KCND2: variants seen among roughly 807,000 people sequenced by gnomAD.
KCND2 encodes the protein A-type voltage-gated potassium channel KCND2.
A neutral mutation model predicts 54.4 loss-of-function variants in KCND2; 16 were observed. The ratio of observed to expected loss-of-function variants is 0.29; its 90% confidence interval spans 0.20 to 0.45. The LOEUF (loss-of-function observed/expected upper bound fraction) is 0.45. Among genes scored for constraint, KCND2 ranks in the 20% least tolerant of loss-of-function variants. The probability of loss-of-function intolerance (pLI) is 1.00; values close to 1 mark genes in which losing one functional copy is unlikely to be tolerated. For synonymous variants in KCND2, 317 were observed against 310.7 expected, an observed-to-expected ratio of 1.02 and a Z score of -0.21; for missense variants, 486 against 824.2, an observed-to-expected ratio of 0.59 and a Z score of 5.02.
At chr7:120,743,960 C>G (rs1418062609) in intron 4 of KCND2, among the ~76,000 whole-genome samples, 2 of 152,096 alleles carry the variant, frequency 1.3e-5, no homozygotes, top group Non-Finnish European at 2.9e-5. Context: ...TTAAATGATA[C>G]ATTAATAATA....
At chr7:120,326,633 G>A (rs1412610335) in intron 1 of KCND2, among the ~76,000 whole-genome samples, 1 of 152,036 alleles carries the variant, frequency 6.6e-6, no homozygotes, top group Non-Finnish European at 1.5e-5. Flanking sequence ...GATTATATGA[G>A]AATATGGATA....
At chr7:120,443,581 T>A (rs1330904629) in intron 1 of KCND2, among the ~76,000 whole-genome samples, 3 of 152,038 alleles carry the variant, frequency 2.0e-5, no homozygotes, top group Admixed American at 2.0e-4. Flanking sequence ...ATTCATCTTC[T>A]TGAATCATAT....
chr7:120,675,511 C>T (rs1792049205), intron 1 of KCND2, among the ~76,000 whole-genome samples: 1 of 152,060 alleles, frequency 6.6e-6, no homozygotes, highest in South Asian at 2.1e-4. Context: ...GCTGGGATTA[C>T]CAGCGTGAGC....
chr7:120,586,947 A>C (rs1792608193), intron 1 of KCND2, among the ~76,000 whole-genome samples: 1 of 152,166 alleles, frequency 6.6e-6, no homozygotes, highest in East Asian at 1.9e-4. Context: ...AGATTTCTTT[A>C]ATTTTTGGAG....
At chr7:120,579,642 A>AAAT (rs1397100957) in intron 1 of KCND2, among the ~76,000 whole-genome samples, 2 of 127,800 alleles carry the variant, frequency 1.6e-5, no homozygotes, top group Admixed American at 7.6e-5. Flanking sequence ...ATAAATAAAT[A>AAAT]AATAAAATAA....
At chr7:120,705,308 C>A (rs909748486) in intron 1 of KCND2, among the ~76,000 whole-genome samples, 2 of 152,066 alleles carry the variant, frequency 1.3e-5, no homozygotes, top group Admixed American at 6.6e-5. Flanking sequence ...TCCTTGCATT[C>A]AAAAATCATG....
At chr7:120,602,267 A>T (rs1792823141) in intron 1 of KCND2, among the ~76,000 whole-genome samples, 1 of 152,230 alleles carries the variant, frequency 6.6e-6, no homozygotes, top group Non-Finnish European at 1.5e-5. Flanking sequence ...AGTGATCATC[A>T]GAGTGTGGCG....
chr7:120,506,668 T>C (rs1260332703), intron 1 of KCND2, among the ~76,000 whole-genome samples: 1 of 151,890 alleles, frequency 6.6e-6, no homozygotes, highest in Non-Finnish European at 1.5e-5. Context: ...CAAATGGTTG[T>C]AGTAAAGAAA....
At chr7:120,382,866 A>G (rs1418136629) in intron 1 of KCND2, among the ~76,000 whole-genome samples, 2 of 151,838 alleles carry the variant, frequency 1.3e-5, no homozygotes, top group African/African-American at 4.8e-5. Flanking sequence ...TTTGATATGT[A>G]TTATGTTACT....
At chr7:120,717,186 CCTT>C (rs1792613596) in intron 1 of KCND2, among the ~76,000 whole-genome samples, 1 of 152,038 alleles carries the variant, frequency 6.6e-6, no homozygotes, top group Non-Finnish European at 1.5e-5. Flanking sequence ...CTACTATTGA[CCTT>C]CTAGCAATCA....
chr7:120,638,884 G>A (rs185707035), intron 1 of KCND2, among the ~76,000 whole-genome samples: 1 of 152,194 alleles, frequency 6.6e-6, no homozygotes, highest in Admixed American at 6.5e-5. Context: ...GGGGACTTGT[G>A]GGATATATGT....
intron 1 of KCND2, among the ~76,000 whole-genome samples, chr7:120,356,556 A>C (rs1800508863): frequency 6.6e-6 from 1 of 152,156 alleles, no homozygotes; most frequent in Non-Finnish European, 1.5e-5. Flanking sequence ...AAACGTGATT[A>C]ATCAGGGTAA....
Position 120,620,065 on chromosome 7 carries a change from T to G in KCND2, c.1116-112838T>G, listed in dbSNP as rs1275362721. Among the ~76,000 whole-genome samples, 4 of 152,316 alleles carry G rather than the reference T, an allele frequency of 2.6e-5. No individual in the cohort carries two copies. The East Asian group carries it at 7.7e-4, about 29-fold the overall frequency. On this transcript the variant is annotated intron_variant, in intron 1 of 5. Transcript: ENST00000331113. ...CTGTCCAATTACATGAAATAATTGT[T>G]TATAATACCTCAAATGATGAGATGC...
chr7:120,592,765 G>C (rs943932935), intron 1 of KCND2, among the ~76,000 whole-genome samples: 7 of 152,050 alleles, frequency 4.6e-5, no homozygotes, highest in Admixed American at 1.3e-4. Context: ...GTAAATATCA[G>C]GGTTTCTTGG....
At chr7:120,629,357 A>G (rs541414213) in intron 1 of KCND2, among the ~76,000 whole-genome samples, 8 of 152,256 alleles carry the variant, frequency 5.3e-5, no homozygotes, top group South Asian at 2.1e-4. Flanking sequence ...GTGGTGGCTG[A>G]CGCCTGTAGT....
chr7:120,741,066 A>G (rs1458230017), intron 2 of KCND2, among the ~76,000 whole-genome samples: 2 of 151,632 alleles, frequency 1.3e-5, no homozygotes, highest in Admixed American at 6.6e-5. Context: ...AAAAAAAGAA[A>G]GGAAGGAAGG....
chr7:120,390,287 A>G (rs1801054069), intron 1 of KCND2, among the ~76,000 whole-genome samples: 2 of 151,928 alleles, frequency 1.3e-5, no homozygotes, highest in Admixed American at 6.6e-5. Flanking sequence ...TTAAGACACA[A>G]TCAGAATTTC....
intron 1 of KCND2, among the ~76,000 whole-genome samples, chr7:120,621,651 TA>T (rs1462126510): frequency 6.6e-6 from 1 of 152,204 alleles, no homozygotes; most frequent in Admixed American, 6.5e-5. Context: ...TCTGATTTTT[TA>T]AATAAAAAAT....
chr7:120,573,334 G>T (rs1275885038), intron 1 of KCND2, among the ~76,000 whole-genome samples: 1 of 152,052 alleles, frequency 6.6e-6, no homozygotes, highest in Non-Finnish European at 1.5e-5. Context: ...ATTCAAAATA[G>T]CAGCAAGTAT....
Sources: allele counts gnomAD v4.1 joint callset (sites outside exome capture counted in the v4.1 genomes callset), GRCh38; gene constraint gnomAD v4.1.1; transcripts MANE v1.5; gene names NCBI Gene and HGNC (gene_info 2026-07-23, HGNC 2026-07-21).